The following PTPRN2 variants were observed in gnomAD, a reference collection of about 807,000 sequenced individuals.
PTPRN2 encodes protein tyrosine phosphatase receptor type N2.
Under a neutral mutation model 118.8 loss-of-function variants are expected in PTPRN2, and 74 were observed. The ratio of observed to expected loss-of-function variants is 0.62; its 90% CI spans 0.52 to 0.76. PTPRN2 has a LOEUF of 0.76. Among genes scored for constraint, PTPRN2 ranks in the 30% least tolerant of loss-of-function variants. The pLI is 0.00. For missense variants in PTPRN2, 1,481 were observed against 1,394.4 expected, an observed-to-expected ratio of 1.06 and a Z score of -0.99; for synonymous variants, 641 against 608.0, an observed-to-expected ratio of 1.05 and a Z score of -0.80.
intron 22 of PTPRN2, among the ~76,000 whole-genome samples, chr7:157,541,910 C>G (rs575079011): frequency 6.6e-6 from 1 of 152,236 alleles, no homozygotes; most frequent in Non-Finnish European, 1.5e-5. Context: ...CTGATGCTGA[C>G]GGAATGGTCT....
chr7:157,685,552 G>T (rs900249143), intron 12 of PTPRN2, among the ~76,000 whole-genome samples: 1 of 152,244 alleles, frequency 6.6e-6, no homozygotes, highest in East Asian at 2.0e-4. Context: ...GGCAGGGGAC[G>T]CGCGGGGGCC....
chr7:158,348,536 A>T (rs927029559), intron 2 of PTPRN2, among the ~76,000 whole-genome samples: 1 of 152,038 alleles, frequency 6.6e-6, no homozygotes, highest in Non-Finnish European at 1.5e-5. Context: ...CCCCATTCAC[A>T]GTCCAGTATG....
intron 3 of PTPRN2, among the ~76,000 whole-genome samples, chr7:158,270,506 C>A (rs1286304675): frequency 6.6e-6 from 1 of 152,136 alleles, no homozygotes; most frequent in Non-Finnish European, 1.5e-5. Context: ...CCCCGACCCC[C>A]TGGCTCCCTC....
At chr7:158,110,096 G>A (rs1816100244) in intron 10 of PTPRN2, among the ~76,000 whole-genome samples, 3 of 152,210 alleles carry the variant, frequency 2.0e-5, no homozygotes. Context: ...ACAGGCAGGT[G>A]GGCACACAGC....
chr7:158,468,032 T>G (rs1670357), intron 2 of PTPRN2, among the ~76,000 whole-genome samples: 104,963 of 152,038 alleles, frequency 0.69, 36,481 homozygotes, highest in Admixed American at 0.78. Context: ...AAATCTCCCG[T>G]AAATTATAAC....
In PTPRN2 at chr7:158,173,642, T is replaced by A. The variant is rs565635103; in HGVS notation, c.550-6351A>T. Among the ~76,000 whole-genome samples the A allele has an allele frequency of 3.3e-5, 5 of 152,322 alleles. No homozygotes were observed. The South Asian group carries it at 1.0e-3, about 32-fold the overall frequency. On this transcript the variant is annotated intron_variant, in intron 5 of 22. Coordinates refer to ENST00000389418, the MANE Select transcript of PTPRN2 (RefSeq NM_002847.5). ...AATTCACCAGGCTGGAATTTCCCAA[T>A]CCTGGTAAGCCTGAGGGCACTGCAG...
Position 157,550,601 on chromosome 7 carries a change from C to T in PTPRN2, c.2903-1582G>A, listed in dbSNP as rs1019160645. On this transcript the variant is annotated intron_variant, in intron 21 of 22. Transcript: ENST00000389418. The surrounding 1 kb of genome is among the most constrained non-coding windows in gnomAD (Gnocchi z 5.2). ...GGCATTTCCTGGCAGGAACAGGGCT[C>T]GTGGTGATGGGAGCCACTGTCGGGG... 2.0e-5 allele frequency among the ~76,000 whole-genome samples: 3 copies of T among 152,198 alleles called. No homozygotes were observed. The highest frequency in any genetic ancestry group is 4.4e-5 in the Non-Finnish European group (3 of 68,042).
At chr7:158,199,160 C>A (rs1826438328) in intron 4 of PTPRN2, among the ~76,000 whole-genome samples, 1 of 152,290 alleles carries the variant, frequency 6.6e-6, no homozygotes, top group South Asian at 2.1e-4. Flanking sequence ...TCCTGGTTCT[C>A]AGGTCCTCCT....
At chr7:158,395,291 TGAGGGGTGAGGG>T (rs1812273914) in intron 2 of PTPRN2, among the ~76,000 whole-genome samples, 1 of 48,792 alleles carries the variant, frequency 2.0e-5, no homozygotes, top group African/African-American at 8.3e-5. Flanking sequence ...AAGTGAGGGG[TGAGGGGTGAGGG>T]GCGAGGGGTG....
At chr7:157,817,873 A>G (rs55995861) in intron 12 of PTPRN2, among the ~76,000 whole-genome samples, 29,492 of 151,738 alleles carry the variant, frequency 0.19, 4,695 homozygotes, top group African/African-American at 0.43. Flanking sequence ...GTGAGTGCAC[A>G]TGATGTTTGT....
At chr7:157,906,203 A>G (rs1488097788) in intron 11 of PTPRN2, among the ~76,000 whole-genome samples, 6 of 152,112 alleles carry the variant, frequency 3.9e-5, no homozygotes, top group Admixed American at 6.6e-5. Flanking sequence ...AGAGCTTTGA[A>G]GGAAGTTGAT....
In PTPRN2 at chr7:158,558,747, A is replaced by C. The variant is rs963875681; in HGVS notation, c.112+28811T>G. Among the ~76,000 whole-genome samples the C allele has an allele frequency of 3.5e-5, 5 of 144,004 alleles. No individual in the cohort carries two copies. In the South Asian group the frequency reaches 1.1e-3, roughly 33 times the overall value. The allele number at this position is 144,004 out of a possible 152,430, so 94.5% of individuals were successfully genotyped here. A position where few individuals can be genotyped will look rare whatever the true frequency, so the allele number is the denominator to read the frequency against. Reference sequence around the variant, plus strand: ...GGTCCTTGCACCTTCTGGATACATCAGTGCTAGACTAAAAAAAAAAAAAAA... The same window carrying C: ...GGTCCTTGCACCTTCTGGATACATCCGTGCTAGACTAAAAAAAAAAAAAAA... On this transcript the variant is annotated intron_variant, in intron 1 of 22. Coordinates refer to ENST00000389418, the MANE Select transcript of PTPRN2 (RefSeq NM_002847.5).
intron 4 of PTPRN2, among the ~76,000 whole-genome samples, chr7:158,202,406 G>A (rs1021357153): frequency 1.3e-5 from 2 of 152,120 alleles, no homozygotes; most frequent in African/African-American, 4.8e-5. Flanking sequence ...AGGCCTTTGG[G>A]TCAGCAGGAG....
intron 3 of PTPRN2, among the ~76,000 whole-genome samples, chr7:158,308,873 T>C (rs7799231): frequency 0.91 from 138,462 of 152,144 alleles, 63,312 homozygotes; most frequent in Non-Finnish European, 0.96. Flanking sequence ...AACTAGATAA[T>C]CTAGGTGAAA....
rs921314831 is a variant in PTPRN2 at position 157,619,004 on chromosome 7, T to A, written c.2344+2358A>T. On this transcript the variant is annotated intron_variant, in intron 15 of 22. Transcript: ENST00000389418. The surrounding 1 kb of genome is among the most constrained non-coding windows in gnomAD (Gnocchi z 5.3). ...ATGGGCAGGGCTGTCCTGATCCCCA[T>A]GAGAACATCAGGCGCCCATCCACAT... Among the ~76,000 whole-genome samples the A allele has an allele frequency of 4.6e-5, 7 of 152,096 alleles. No homozygotes were observed. Among genetic ancestry groups the A allele is most frequent in the African/African-American group, 1.7e-4 (7 of 41,422 alleles).
intron 22 of PTPRN2, among the ~76,000 whole-genome samples, chr7:157,546,830 G>A (rs932658681): frequency 3.9e-5 from 6 of 152,222 alleles, no homozygotes; most frequent in Non-Finnish European, 8.8e-5. Flanking sequence ...AGGGTCCTGG[G>A]ACCACCGTTG....
intron 2 of PTPRN2, among the ~76,000 whole-genome samples, chr7:158,338,056 AC>A (rs1563169514): frequency 2.9e-4 from 3 of 10,456 alleles, no homozygotes; most frequent in South Asian, 8.8e-3. Context: ...ATAAGAGGTG[AC>A]ACCTGCAGAC....
chr7:158,146,737 A>T (rs1257493033), intron 6 of PTPRN2, among the ~76,000 whole-genome samples: 1 of 151,092 alleles, frequency 6.6e-6, no homozygotes, highest in East Asian at 1.9e-4. Context: ...AAAAAAAAAG[A>T]AAGAAAAAAG....
At chr7:157,882,270 T>C (rs1213119624) in intron 12 of PTPRN2, among the ~76,000 whole-genome samples, 2 of 149,048 alleles carry the variant, frequency 1.3e-5, no homozygotes, top group Non-Finnish European at 3.0e-5. Flanking sequence ...ACCCCAAAAA[T>C]GACTGTCAGA....
Sources: allele counts gnomAD v4.1 joint callset (sites outside exome capture counted in the v4.1 genomes callset), GRCh38; gene constraint gnomAD v4.1.1; non-coding constraint Gnocchi (gnomAD v3.1); transcripts MANE v1.5; gene names NCBI Gene and HGNC (gene_info 2026-07-23, HGNC 2026-07-21).